The following NLGN4X variants were observed in gnomAD, a reference collection of about 807,000 sequenced individuals.
NLGN4X encodes the protein neuroligin 4 X-linked.
In NLGN4X, 3 loss-of-function variants were observed where a neutral mutation model predicts 40.3. That is an observed-to-expected ratio of 0.07 (90% CI 0.03 to 0.19). The LOEUF is 0.19. Ranked by LOEUF, NLGN4X falls within the 10% of genes least tolerant of loss-of-function variation. NLGN4X has a pLI of 1.00. For missense variants in NLGN4X, 382 were observed against 708.3 expected (o/e 0.54, Z 5.23); for synonymous variants, 270 against 306.8 (o/e 0.88, Z 1.25).
chrX:5,969,953 C>T (rs1195436016), intron 3 of NLGN4X, among the ~76,000 whole-genome samples: 1 of 98,025 alleles, frequency 1.0e-5, no homozygotes, highest in East Asian at 3.2e-4. Context: ...TGTTCTCACT[C>T]ATAGGTGGGA....
chrX:6,213,942 A>G lies in NLGN4X; in HGVS notation c.-306+14599T>C, dbSNP rs193019078. Among the ~76,000 whole-genome samples the G allele has an allele frequency of 2.7e-5, 3 of 112,372 alleles. No homozygotes were observed. In the East Asian group the frequency reaches 8.4e-4, roughly 32 times the overall value. ...CTTTAAAGCATTGTGGAAAAAAATA[A>G]TGAACGTCAGTCACACAGTTTTATC... is the stretch of plus-strand genomic sequence containing the variant. On this transcript the variant is annotated intron_variant, in intron 1 of 5. Transcript: ENST00000381095.
chrX:6,057,119 T>C (rs1364660628), intron 2 of NLGN4X, among the ~76,000 whole-genome samples: 2 of 112,326 alleles, frequency 1.8e-5, no homozygotes, highest in African/African-American at 3.2e-5. Flanking sequence ...GTGGCTTAAA[T>C]GAATATATCA....
chrX:6,054,984 G>C (rs2037585145), intron 2 of NLGN4X, among the ~76,000 whole-genome samples: 1 of 112,084 alleles, frequency 8.9e-6, no homozygotes, highest in Admixed American at 9.5e-5. Flanking sequence ...TGGCTCTCTA[G>C]AGTGATTCCA....
At chrX:5,926,071 A>G (rs1418476179) in intron 3 of NLGN4X, among the ~76,000 whole-genome samples, 1 of 103,893 alleles carries the variant, frequency 9.6e-6, no homozygotes. Flanking sequence ...GGTGGAGATA[A>G]TTGAATCATG....
intron 3 of NLGN4X, among the ~76,000 whole-genome samples, chrX:5,973,787 C>G (rs915208618): frequency 9.0e-6 from 1 of 110,541 alleles, no homozygotes; most frequent in Non-Finnish European, 1.9e-5. Context: ...CGTGCCACTG[C>G]ACTCCAGCCT....
intron 3 of NLGN4X, among the ~76,000 whole-genome samples, chrX:5,918,799 G>A (rs946790824): frequency 3.6e-5 from 4 of 111,996 alleles, no homozygotes; most frequent in South Asian, 3.7e-4. Context: ...CCTGAAGTCC[G>A]CAACTTTTCT....
intron 3 of NLGN4X, among the ~76,000 whole-genome samples, chrX:6,016,137 A>C (rs1486458554): frequency 8.9e-6 from 1 of 112,572 alleles, no homozygotes; most frequent in Non-Finnish European, 1.9e-5. Context: ...TAAGCACATG[A>C]ATAGGTGTTC....
chrX:6,072,099 C>G (rs1289508396), intron 2 of NLGN4X, among the ~76,000 whole-genome samples: 2 of 110,993 alleles, frequency 1.8e-5, no homozygotes, highest in Non-Finnish European at 3.8e-5. Context: ...TCATGGACTG[C>G]AACAGAAAGC....
chrX:6,065,504 A>G (rs1191737249), intron 2 of NLGN4X, among the ~76,000 whole-genome samples: 1 of 111,520 alleles, frequency 9.0e-6, no homozygotes, highest in Non-Finnish European at 1.9e-5. Context: ...GAGAAAGGAA[A>G]CTATGAAACC....
At chrX:6,042,730 T>TATATATATACAC (rs1215396694) in intron 2 of NLGN4X, among the ~76,000 whole-genome samples, 7 of 20,166 alleles carry the variant, frequency 3.5e-4, no homozygotes, top group East Asian at 1.8e-3. Flanking sequence ...TATATATATA[T>TATATATATACAC]ACACACACAC....
chrX:5,930,887 T>G (rs934235621), intron 3 of NLGN4X, among the ~76,000 whole-genome samples: 16 of 112,129 alleles, frequency 1.4e-4, no homozygotes, highest in African/African-American at 4.5e-4. Context: ...CATCCTTCCC[T>G]GTTGCTGTCT....
chrX:6,225,158 A>G (rs1926100911), intron 1 of NLGN4X, among the ~76,000 whole-genome samples: 1 of 105,799 alleles, frequency 9.5e-6, no homozygotes, highest in African/African-American at 3.4e-5. Flanking sequence ...AGAGTTCTCC[A>G]TGAAATTCCT....
intron 2 of NLGN4X, among the ~76,000 whole-genome samples, chrX:6,117,065 C>T (rs561913633): frequency 1.8e-5 from 2 of 111,001 alleles, no homozygotes; most frequent in Admixed American, 9.5e-5. Context: ...TGGGATTAGC[C>T]GTTCACCTTA....
chrX:6,093,891 A>G (rs767391927), intron 2 of NLGN4X, among the ~76,000 whole-genome samples: 1 of 111,771 alleles, frequency 8.9e-6, no homozygotes, highest in Non-Finnish European at 1.9e-5. Flanking sequence ...TTCTTTAAAA[A>G]ACCCCAAATC....
chrX:6,068,109 C>T (rs59683837), intron 2 of NLGN4X, among the ~76,000 whole-genome samples: 4,715 of 111,350 alleles, frequency 0.042, 220 homozygotes, highest in African/African-American at 0.13. Context: ...GAAGCATTTG[C>T]CAGTATGGAT....
At chrX:5,981,320 T>C (rs2035381616) in intron 3 of NLGN4X, among the ~76,000 whole-genome samples, 1 of 110,878 alleles carries the variant, frequency 9.0e-6, no homozygotes, top group Non-Finnish European at 1.9e-5. Flanking sequence ...ATTAACATTC[T>C]GATTACATCT....
intron 2 of NLGN4X, among the ~76,000 whole-genome samples, chrX:6,148,326 A>G (rs1049386050): frequency 2.7e-5 from 3 of 111,510 alleles, no homozygotes; most frequent in Non-Finnish European, 3.8e-5. Context: ...GGAATTTTGA[A>G]TTCCAAATAA....
At chrX:6,035,010 T>C (rs2036966290) in intron 2 of NLGN4X, among the ~76,000 whole-genome samples, 1 of 112,170 alleles carries the variant, frequency 8.9e-6, no homozygotes, top group African/African-American at 3.2e-5. Flanking sequence ...CCTGGCCTCA[T>C]TGTAGTTTTC....
intron 3 of NLGN4X, among the ~76,000 whole-genome samples, chrX:5,993,645 C>T (rs1384241881): frequency 5.3e-5 from 6 of 112,288 alleles, no homozygotes; most frequent in Non-Finnish European, 9.4e-5. Flanking sequence ...CTTGGCCCAT[C>T]AGCCTTGTTC....
Sources: gnomAD v4.1 joint callset for allele counts (sites outside exome capture counted in the v4.1 genomes callset) on GRCh38, gnomAD v4.1.1 for gene constraint, MANE v1.5 for transcripts, NCBI Gene and HGNC (gene_info 2026-07-23, HGNC 2026-07-21) for gene names.